Variants in IRX4 observed in about 807,000 individuals in gnomAD.
IRX4 encodes the protein iroquois-class homeodomain protein IRX-4.
IRX4 carries 22 observed loss-of-function variants against 32.0 expected under a neutral mutation model. The observed-to-expected ratio is 0.69, with a 90% confidence interval of 0.49 to 0.98. The LOEUF (loss-of-function observed/expected upper bound fraction) is 0.98, where lower values mean the gene tolerates loss of function less well. IRX4 is among the 50% of genes least tolerant of loss of function. The pLI is 0.00. For missense variants in IRX4, 840 were observed against 744.2 expected (o/e 1.13, Z -1.50); for synonymous variants, 379 against 351.7 (o/e 1.08, Z -0.87).
intron 1 of IRX4, 46 bp from the exon 2 acceptor site, chr5:1,882,105 C>T: frequency 2.0e-6 from 3 of 1,528,134 alleles, no homozygotes; most frequent in South Asian, 2.4e-5. Context: ...GGGCTGGAGG[C>T]TGGGGCCCTG....
In IRX4 at chr5:1,878,512, G is replaced by C. The variant is rs933718804; in HGVS notation, c.1017C>G (p.Gly339=). 5.6e-6 allele frequency: 8 copies of C among 1,433,774 alleles called. No homozygotes were observed. The African/African-American group carries it at 1.2e-4, about 21-fold the overall frequency. 88.8% of individuals were successfully genotyped at this position (1,433,774 alleles called of 1,614,324 possible). The change falls in exon 5 of 5, where the codon GGC becomes GGG. Residue 339 remains glycine (G), a synonymous_variant. Transcript: ENST00000231357. The part of the protein sequence containing the change: ...SAAAGPEPLP[G]AEGGPQVCEA... The stretch of plus-strand genomic sequence containing the variant: ...CGCAGACCTGAGGGCCGCCCTCTGC[G>C]CCCGGCAGTGGCTCCGGCCCGGCCG...
chr5:1,877,686 C>T lies in IRX4; in HGVS notation c.*283G>A. On this transcript the variant is annotated 3_prime_UTR_variant, in exon 5 of 5. Coordinates refer to ENST00000231357, the MANE Select transcript of IRX4 (RefSeq NM_016358.3). ...TCTCCATGTAAACTTTTGACGTAAACTTTATGCTTCAGGGTATCTGGCCTC... is the reference window on the plus strand; with the variant it reads ...TCTCCATGTAAACTTTTGACGTAAATTTTATGCTTCAGGGTATCTGGCCTC... 2 of 448,556 alleles carry T rather than the reference C, an allele frequency of 4.5e-6. No individual in the cohort carries two copies. The highest frequency in any genetic ancestry group is 7.8e-6 in the Non-Finnish European group (2 of 256,210). 27.8% of individuals were successfully genotyped at this position (448,556 alleles called of 1,614,324 possible).
chr5:1,878,958 C>T (rs1314507767), intron 4 of IRX4, among the ~76,000 whole-genome samples, 166 bp from the exon 5 acceptor site: 2 of 152,012 alleles, frequency 1.3e-5, no homozygotes, highest in African/African-American at 4.8e-5. Flanking sequence ...CACAAACTGG[C>T]AACACAGGGG....
At chr5:1,884,063 C>T (rs62335813), upstream of IRX4, 29,051 of 152,346 alleles carry the variant, frequency 0.19, 2,888 homozygotes, top group African/African-American at 0.22. Flanking sequence ...TCCCTGGGAC[C>T]TTGCCCAAGT....
In IRX4 at chr5:1,882,599, T is replaced by C; in HGVS notation, c.45+4A>G. The C allele has an allele frequency of 6.8e-7, 1 of 1,477,244 alleles. No individual in the cohort carries two copies. Among genetic ancestry groups the C allele is most frequent in the East Asian group, 2.8e-5 (1 of 36,070 alleles). The allele number at this position is 1,477,244 out of a possible 1,614,324, so 91.5% of individuals were successfully genotyped here. On this transcript the variant is annotated splice_donor_region_variant and intron_variant, in intron 1 of 4. Coordinates refer to ENST00000231357, the MANE Select transcript of IRX4 (RefSeq NM_016358.3). Reference sequence around the variant, plus strand: ...TGGCCTGGGCGGGGCGGGGCTCCGCTTACCTGGGGAGCCGAGGAGTAGGGG... The same window carrying C: ...TGGCCTGGGCGGGGCGGGGCTCCGCCTACCTGGGGAGCCGAGGAGTAGGGG...
At chr5:1,884,562 T>G (rs191412813), upstream of IRX4, 134 of 152,350 alleles carry the variant, frequency 8.8e-4, no homozygotes, top group African/African-American at 2.9e-3. Context: ...TCGGAAATAA[T>G]GAATAGCCGC....
upstream of IRX4, among the ~76,000 whole-genome samples, chr5:1,885,640 G>C (rs922189927): frequency 4.6e-5 from 7 of 152,088 alleles, no homozygotes; most frequent in Non-Finnish European, 7.4e-5. Flanking sequence ...CCAGGACACA[G>C]GGTCAATCCA....
chr5:1,880,998 C>G (rs759787022), intron 2 of IRX4, 164 bp from the exon 3 acceptor site: 5 of 614,768 alleles, frequency 8.1e-6, no homozygotes, highest in Admixed American at 2.4e-5. Context: ...AACCTGGTCT[C>G]GCAAACCTGA....
At position 1,878,203 on chromosome 5, in the gene IRX4, G is replaced by T; in HGVS notation, c.1326C>A (p.Val442=). The change falls in exon 5 of 5, where the codon GTC becomes GTA. Residue 442 remains valine (V), a synonymous_variant. Transcript: ENST00000231357. ...TGTGCCTGAGGATGGGGTCGTGGAA[G>T]ACCCCGTCCACCCAGTTTCTGAGAC... ...VTSLRNWVDG[V]FHDPILRHST... is the part of the protein sequence containing the mutation. 1 of 1,598,880 alleles carries T rather than the reference G, an allele frequency of 6.3e-7. No homozygotes were observed. Among genetic ancestry groups the T allele is most frequent in the Admixed American group, 1.7e-5 (1 of 58,524 alleles).
At chr5:1,881,750 G>C in intron 2 of IRX4, 58 bp downstream of exon 2, 1 of 1,551,318 alleles carries the variant, frequency 6.4e-7, no homozygotes, top group Admixed American at 1.9e-5. Context: ...TGGGGCAAAA[G>C]TGGGCTTGGC....
At position 1,882,601 on chromosome 5, in the gene IRX4, A is replaced by T; in HGVS notation, c.45+2T>A. 6.8e-7 allele frequency: 1 copy of T among 1,474,996 alleles called. No individual in the cohort carries two copies. Among genetic ancestry groups the T allele is most frequent in the Non-Finnish European group, 8.9e-7 (1 of 1,118,256 alleles). The allele number at this position is 1,474,996 out of a possible 1,614,324, so 91.4% of individuals were successfully genotyped here. A position where few individuals can be genotyped will look rare whatever the true frequency, so the allele number is the denominator to read the frequency against. ...GCCTGGGCGGGGCGGGGCTCCGCTT[A>T]CCTGGGGAGCCGAGGAGTAGGGGTA... On this transcript the variant is annotated splice_donor_variant, in intron 1 of 4. Coordinates refer to ENST00000231357, the MANE Select transcript of IRX4 (RefSeq NM_016358.3). LOFTEE classifies it high-confidence loss of function.
intron 1 of IRX4, 107 bp from the exon 2 acceptor site, chr5:1,882,166 C>T (rs2232373): frequency 1.5e-6 from 2 of 1,347,776 alleles, no homozygotes; most frequent in Admixed American, 2.8e-5. Flanking sequence ...CGAGTACCCC[C>T]GGGCCTCCCG....
In IRX4 at chr5:1,878,801, G is replaced by T; in HGVS notation, c.737-9C>A. 1 of 1,612,944 alleles carries T rather than the reference G, an allele frequency of 6.2e-7. No homozygotes were observed. The highest frequency in any genetic ancestry group is 8.5e-7 in the Non-Finnish European group (1 of 1,179,678). On this transcript the variant is annotated splice_polypyrimidine_tract_variant and intron_variant, in intron 4 of 4. Coordinates refer to ENST00000231357, the MANE Select transcript of IRX4 (RefSeq NM_016358.3). ...CTCTTTGCCCACGGGCTCTGCGGGA[G>T]AGAATGCGTGGCCAGTGGAGGGAGA... is the stretch of plus-strand genomic sequence containing the variant.
chr5:1,879,795 C>G lies in IRX4; in HGVS notation c.445G>C (p.Ala149Pro). Residue 149 changes from alanine to proline, a missense_variant, in exon 4 of 5, where the codon GCC becomes CCC. Physicochemically the swap from Ala to Pro is conservative, Grantham distance 27 (BLOSUM62 -1). Coordinates refer to ENST00000231357, the MANE Select transcript of IRX4 (RefSeq NM_016358.3). ...AGCGTGCTGGTGGTCTCGCGCGTGG[C>G]GTTCTTGCGCCGCGTGCCGCTGTCC... ...TMDSGTRRKNATRETTSTLKA... is the reference protein window; with the variant it reads ...TMDSGTRRKNPTRETTSTLKA... The G allele has an allele frequency of 6.2e-7, 1 of 1,614,076 alleles. No homozygotes were observed. Among genetic ancestry groups the G allele is most frequent in the African/African-American group, 1.3e-5 (1 of 75,064 alleles).
intron 1 of IRX4, 49 bp from the exon 2 acceptor site, chr5:1,882,108 G>A (rs1413713020): frequency 5.9e-6 from 9 of 1,517,100 alleles, no homozygotes; most frequent in Non-Finnish European, 7.9e-6. Flanking sequence ...CTGGAGGCTG[G>A]GGCCCTGGGC....
Position 1,879,847 on chromosome 5 carries a change from T to G in IRX4, c.408-15A>C. ...TGGTTCCATACCTGGAGACAGGCTC[T>G]GCAATGGGCTCAGGCTGGGCCCTCT... is the stretch of plus-strand genomic sequence containing the variant. On this transcript the variant is annotated splice_polypyrimidine_tract_variant and intron_variant, in intron 3 of 4. Transcript: ENST00000231357. The G allele has an allele frequency of 6.2e-7, 1 of 1,613,204 alleles. No homozygotes were observed. Among genetic ancestry groups the G allele is most frequent in the Non-Finnish European group, 8.5e-7 (1 of 1,179,966 alleles).
At position 1,880,737 on chromosome 5, in the gene IRX4, T is replaced by A; in HGVS notation, c.395A>T (p.Tyr132Phe). ...GGTGGGTCCTCACCTGTCATAGGGG[T>A]ACTGGCCCAGAGCTGGCTCGTAAGG... ...YYPYEPALGQ[Y>F]PYDRYGTMDS... Residue 132 changes from tyrosine to phenylalanine, a missense_variant, in exon 3 of 5, where the codon TAC becomes TTC. This residue lies in a region of IRX4 where 241 missense variants were observed against 220.8 expected (regional missense o/e 1.09). Transcript: ENST00000231357. 6.2e-7 allele frequency: 1 copy of A among 1,612,598 alleles called. No individual in the cohort carries two copies. Among genetic ancestry groups the A allele is most frequent in the Middle Eastern group, 1.7e-4 (1 of 6,058 alleles).
chr5:1,882,623 G>A lies in IRX4; in HGVS notation c.25C>T (p.Pro9Ser), dbSNP rs1579255653. 1.4e-6 allele frequency: 2 copies of A among 1,438,188 alleles called. No homozygotes were observed. Among genetic ancestry groups the A allele is most frequent in the Non-Finnish European group, 1.8e-6 (2 of 1,098,790 alleles). 89.1% of individuals were successfully genotyped at this position (1,438,188 alleles called of 1,614,324 possible). A position where few individuals can be genotyped will look rare whatever the true frequency, so the allele number is the denominator to read the frequency against. ...CTTACCTGGGGAGCCGAGGAGTAGG[G>A]GTATCCAAACTGCGGGTAGGACATG... MSYPQFGY[P>S]YSSAPQFLMA... is the part of the protein sequence containing the mutation. The change falls in exon 1 of 5, where the codon CCC becomes TCC. Residue 9 changes from proline to serine, a missense_variant. Physicochemically the swap from Pro to Ser is moderately conservative, Grantham distance 74. Coordinates refer to ENST00000231357, the MANE Select transcript of IRX4 (RefSeq NM_016358.3).
chr5:1,879,299 T>G lies in IRX4; in HGVS notation c.736+205A>C, dbSNP rs534058700. Among the ~76,000 whole-genome samples the G allele has an allele frequency of 6.0e-4, 92 of 152,312 alleles. 1 individual carries two copies. In the South Asian group the frequency reaches 0.016, roughly 27 times the overall value. ...AGCCACCGCGCCCGGCCTACTATTT[T>G]TATACGTGATTTGAGTTCCTTTAAA... On this transcript the variant is annotated intron_variant, in intron 4 of 4. Transcript: ENST00000231357.
Sources: gnomAD v4.1 joint callset for allele counts (sites outside exome capture counted in the v4.1 genomes callset) on GRCh38, gnomAD v4.1.1 for gene constraint, gnomAD v4.1.1 regional missense constraint, MANE v1.5 for transcripts, NCBI Gene and HGNC (gene_info 2026-07-23, HGNC 2026-07-21) for gene names.